YAF2: variants seen among roughly 807,000 people sequenced by gnomAD.
YAF2 encodes the protein YY1 associated factor 2.
YAF2 carries 7 observed loss-of-function variants against 20.1 expected under a neutral mutation model. The observed-to-expected ratio is 0.35, with a 90% CI of 0.20 to 0.65. The LOEUF (loss-of-function observed/expected upper bound fraction) is 0.65. Among genes scored for constraint, YAF2 ranks in the 30% least tolerant of loss-of-function variants. The pLI is 0.69. For missense variants in YAF2, 151 were observed against 219.2 expected, an observed-to-expected ratio of 0.69 and a Z score of 1.96; for synonymous variants, 74 against 76.0, an observed-to-expected ratio of 0.97 and a Z score of 0.14.
At chr12:42,233,094 T>C (rs1462212884) in intron 2 of YAF2, 1 of 985,308 alleles carries the variant, frequency 1.0e-6, no homozygotes, top group Non-Finnish European at 1.2e-6. Flanking sequence ...AAACATTTGC[T>C]GAATGCTGAA....
At chr12:42,233,122 T>C (rs2068032054) in intron 2 of YAF2, 1 of 985,476 alleles carries the variant, frequency 1.0e-6, no homozygotes. Context: ...ATGGTTGATA[T>C]GAAATGAGAT....
chr12:42,227,105 C>T (rs1296014473), intron 2 of YAF2, among the ~76,000 whole-genome samples: 31 of 144,852 alleles, frequency 2.1e-4, no homozygotes, highest in African/African-American at 7.8e-4. Context: ...CAGCGGGCAG[C>T]GGAGCTGTCT....
chr12:42,161,848 AAAC>A, intron 2 of YAF2, 83 bp from the exon 3 acceptor site: 2 of 1,250,858 alleles, frequency 1.6e-6, no homozygotes, highest in Non-Finnish European at 2.2e-6. Context: ...CACATTATGA[AAAC>A]AAGTTAATAA....
At chr12:42,190,595 T>C (rs1386774377) in intron 2 of YAF2, among the ~76,000 whole-genome samples, 2 of 152,222 alleles carry the variant, frequency 1.3e-5, no homozygotes, top group African/African-American at 4.8e-5. Flanking sequence ...TATTAAATTC[T>C]TTTGTTGAGT....
intron 2 of YAF2, among the ~76,000 whole-genome samples, chr12:42,219,852 C>T (rs770200321): frequency 5.3e-5 from 8 of 152,234 alleles, no homozygotes; most frequent in Non-Finnish European, 8.8e-5. Context: ...TTCTAACAAG[C>T]TCCCAGGTGA....
At chr12:42,227,972 G>T (rs1314593469) in intron 2 of YAF2, among the ~76,000 whole-genome samples, 4 of 143,524 alleles carry the variant, frequency 2.8e-5, no homozygotes, top group Non-Finnish European at 3.1e-5. Flanking sequence ...GGAGGGAGGT[G>T]GGGGGGTCAG....
chr12:42,186,505 G>A (rs1392730982), intron 2 of YAF2, among the ~76,000 whole-genome samples: 3 of 151,920 alleles, frequency 2.0e-5, no homozygotes, highest in African/African-American at 2.4e-5. Context: ...GTGAAACCCC[G>A]TCTCTACTAA....
intron 2 of YAF2, among the ~76,000 whole-genome samples, chr12:42,165,886 A>C (rs1318760446): frequency 2.1e-5 from 3 of 145,670 alleles, no homozygotes; most frequent in Non-Finnish European, 4.5e-5. Context: ...TTCTATCTAT[A>C]TCTATCTATC....
At chr12:42,168,675 C>CAAG (rs1210168854) in intron 2 of YAF2, among the ~76,000 whole-genome samples, 4 of 152,008 alleles carry the variant, frequency 2.6e-5, no homozygotes, top group Admixed American at 2.6e-4. Context: ...TTTAAAAAAA[C>CAAG]AAGAACACTC....
chr12:42,227,815 CTGG>C (rs2067785912), intron 2 of YAF2, among the ~76,000 whole-genome samples: 1 of 146,836 alleles, frequency 6.8e-6, no homozygotes, highest in African/African-American at 2.5e-5. Flanking sequence ...AGCCCCCCGC[CTGG>C]CCAGCCGTGC....
chr12:42,217,656 C>T (rs943692756), intron 2 of YAF2, among the ~76,000 whole-genome samples: 3 of 151,882 alleles, frequency 2.0e-5, no homozygotes, highest in African/African-American at 7.3e-5. Flanking sequence ...ATTTAATTAC[C>T]ACCAAAAAAA....
At chr12:42,202,091 CA>C (rs2066914206) in intron 2 of YAF2, among the ~76,000 whole-genome samples, 1 of 152,132 alleles carries the variant, frequency 6.6e-6, no homozygotes, top group Non-Finnish European at 1.5e-5. Flanking sequence ...TTGCTTGAAG[CA>C]GAGATCTAGT....
intron 2 of YAF2, among the ~76,000 whole-genome samples, chr12:42,185,065 C>A (rs946749786): frequency 6.6e-6 from 1 of 152,182 alleles, no homozygotes; most frequent in East Asian, 1.9e-4. Flanking sequence ...GTAGACCTAG[C>A]TACTTGGGAA....
intron 2 of YAF2, among the ~76,000 whole-genome samples, chr12:42,228,033 CTCCG>C (rs1565657754): frequency 1.9e-4 from 24 of 129,106 alleles, no homozygotes; most frequent in Non-Finnish European, 2.5e-4. Flanking sequence ...GGGGTCAGCC[CTCCG>C]CCCGGCCAGC....
Position 42,161,750 on chromosome 12 carries a change from G to A in YAF2, c.168C>T (p.Val56=). The A allele has an allele frequency of 6.2e-7, 1 of 1,604,332 alleles. No homozygotes were observed. The part of the protein sequence containing the change: ...KGTSTRKPRP[V]SQLVAQQVTQ... ...TAACCTGCTGTGCAACCAACTGGGAGACAGGTCGAGGTTTCCTGTGTGCAT... is the reference window on the plus strand; with the variant it reads ...TAACCTGCTGTGCAACCAACTGGGAAACAGGTCGAGGTTTCCTGTGTGCAT... The change falls in exon 3 of 4, where the codon GTC becomes GTT. Residue 56 remains valine, a synonymous_variant. Transcript: ENST00000534854.
At chr12:42,188,936 A>T (rs1393966722) in intron 2 of YAF2, among the ~76,000 whole-genome samples, 1 of 152,210 alleles carries the variant, frequency 6.6e-6, no homozygotes, top group East Asian at 1.9e-4. Context: ...GTAATGACTC[A>T]GAACGTAGTA....
At chr12:42,216,279 T>C (rs535073261) in intron 2 of YAF2, among the ~76,000 whole-genome samples, 1 of 152,176 alleles carries the variant, frequency 6.6e-6, no homozygotes. Context: ...AAAAGTATTA[T>C]CTTGTTACAA....
intron 2 of YAF2, among the ~76,000 whole-genome samples, chr12:42,207,877 C>T (rs980900378): frequency 1.1e-4 from 16 of 151,650 alleles, no homozygotes; most frequent in Non-Finnish European, 2.9e-5. Context: ...GGCGACAGAG[C>T]GAGACTCTGT....
chr12:42,182,198 T>TA (rs1317212580), intron 2 of YAF2, among the ~76,000 whole-genome samples: 1 of 152,180 alleles, frequency 6.6e-6, no homozygotes, highest in Non-Finnish European at 1.5e-5. Flanking sequence ...AGAAGGTTTT[T>TA]AAAAAATTCA....
Sources: gnomAD v4.1 joint callset for allele counts (sites outside exome capture counted in the v4.1 genomes callset) on GRCh38, gnomAD v4.1.1 for gene constraint, MANE v1.5 for transcripts, NCBI Gene and HGNC (gene_info 2026-07-23, HGNC 2026-07-21) for gene names.